GOLM1: variants seen among roughly 807,000 people sequenced by gnomAD.
The protein encoded by GOLM1 is golgi membrane protein 1, also known as epididymis luminal protein 46.
A neutral mutation model predicts 50.5 loss-of-function variants in GOLM1; 31 were observed. The ratio of observed to expected loss-of-function variants is 0.61; its 90% CI spans 0.46 to 0.83. The LOEUF is 0.83. Ranked by LOEUF, GOLM1 falls within the 40% of genes least tolerant of loss-of-function variation. The pLI is 0.00. For missense variants in GOLM1, 491 were observed against 501.3 expected (o/e 0.98, Z 0.20); for synonymous variants, 178 against 192.8 (o/e 0.92, Z 0.64).
At chr9:86,038,734 C>T (rs969329471) in intron 6 of GOLM1, among the ~76,000 whole-genome samples, 3 of 152,090 alleles carry the variant, frequency 2.0e-5, no homozygotes, top group Non-Finnish European at 4.4e-5. Flanking sequence ...ACTTGATAAC[C>T]GCACACACAC....
At chr9:86,096,175 AG>A (rs1241589645) in intron 1 of GOLM1, among the ~76,000 whole-genome samples, 2 of 120,948 alleles carry the variant, frequency 1.7e-5, no homozygotes, top group African/African-American at 2.8e-5. Context: ...ACTGCTCGAT[AG>A]GTTTTTTTTT....
At chr9:86,043,588 C>CT (rs544515130) in intron 5 of GOLM1, among the ~76,000 whole-genome samples, 16 of 152,132 alleles carry the variant, frequency 1.1e-4, no homozygotes, top group East Asian at 3.9e-4. Context: ...GAATAACTAG[C>CT]TTTTTTTTGC....
At chr9:86,090,798 A>C (rs1835156283) in intron 1 of GOLM1, among the ~76,000 whole-genome samples, 1 of 150,906 alleles carries the variant, frequency 6.6e-6, no homozygotes, top group African/African-American at 2.4e-5. Flanking sequence ...AAAAAAAAAA[A>C]AAAAAAAAAA....
intron 4 of GOLM1, among the ~76,000 whole-genome samples, chr9:86,050,327 C>CT (rs1833702324): frequency 6.6e-6 from 1 of 152,058 alleles, no homozygotes; most frequent in African/African-American, 2.4e-5. Flanking sequence ...CTAAAATTCT[C>CT]TTTTTTTGTT....
intron 4 of GOLM1, among the ~76,000 whole-genome samples, chr9:86,049,506 T>C (rs1202004699): frequency 6.6e-6 from 1 of 152,234 alleles, no homozygotes; most frequent in Non-Finnish European, 1.5e-5. Flanking sequence ...TCCATGAGCA[T>C]GGAATGTTCT....
chr9:86,077,692 C>A, intron 2 of GOLM1, 101 bp from the exon 3 acceptor site: 1 of 778,032 alleles, frequency 1.3e-6, no homozygotes, highest in South Asian at 1.6e-5. Flanking sequence ...CCAGGGCCAG[C>A]ACCAGTCTTA....
At chr9:86,046,833 C>T (rs1833561613) in intron 4 of GOLM1, among the ~76,000 whole-genome samples, 1 of 152,176 alleles carries the variant, frequency 6.6e-6, no homozygotes, top group East Asian at 1.9e-4. Context: ...CTTAAATCTC[C>T]TTTTTGGCCG....
At chr9:86,088,420 G>GTGTGTA (rs1157260470) in intron 1 of GOLM1, among the ~76,000 whole-genome samples, 1 of 86,306 alleles carries the variant, frequency 1.2e-5, no homozygotes, top group African/African-American at 5.8e-5. Context: ...TTTGAAGGGT[G>GTGTGTA]TATATATATA....
chr9:86,074,800 C>T (rs957751639), intron 3 of GOLM1, among the ~76,000 whole-genome samples: 7 of 152,194 alleles, frequency 4.6e-5, no homozygotes, highest in Admixed American at 3.9e-4. Flanking sequence ...TGCCTGTCAT[C>T]GTTCTCCTTC....
intron 5 of GOLM1, among the ~76,000 whole-genome samples, chr9:86,046,097 G>A (rs554654046): frequency 5.3e-5 from 8 of 152,272 alleles, no homozygotes; most frequent in East Asian, 1.9e-4. Flanking sequence ...CAATGTGATC[G>A]CCAGGCAATA....
intron 1 of GOLM1, among the ~76,000 whole-genome samples, chr9:86,082,232 T>C (rs1200119258): frequency 6.6e-6 from 1 of 151,324 alleles, no homozygotes; most frequent in East Asian, 2.0e-4. Context: ...GTTCCCCCAT[T>C]AGCCAGGATG....
Position 86,035,465 on chromosome 9 carries a change from C to T in GOLM1, c.918G>A (p.Leu306=), listed in dbSNP as rs758963482. The T allele has an allele frequency of 1.9e-6, 3 of 1,613,766 alleles. No homozygotes were observed. The African/African-American group carries it at 4.0e-5, about 22-fold the overall frequency. Residue 306 remains leucine, a synonymous_variant, in exon 8 of 10, where the codon CTG becomes CTA. Transcript: ENST00000388712. The stretch of plus-strand genomic sequence containing the variant: ...TCTCTGGATTTTCCTGGCTCACTGA[C>T]AGGGCAGCCTGCACCTGTGGGGTCT... The part of the protein sequence containing the change: ...LGQTPQVQAA[L]SVSQENPEME...
At chr9:86,040,438 A>AC (rs1409071203) in intron 6 of GOLM1, among the ~76,000 whole-genome samples, 2 of 152,034 alleles carry the variant, frequency 1.3e-5, no homozygotes, top group African/African-American at 4.8e-5. Flanking sequence ...ACAGAACTTA[A>AC]CCCCTCCCAT....
chr9:86,035,449 T>C lies in GOLM1; in HGVS notation c.934A>G (p.Asn312Asp), dbSNP rs554179942. 2 of 1,613,786 alleles carry C rather than the reference T, an allele frequency of 1.2e-6. No individual in the cohort carries two copies. The highest frequency in any genetic ancestry group is 1.1e-5 in the South Asian group (1 of 91,064). Residue 312 changes from asparagine (N) to aspartate (D), a missense_variant, in exon 8 of 10, where the codon AAT becomes GAT. Transcript: ENST00000388712. ...VQAALSVSQE[N>D]PEMEGPERDQ... ...CGCTCAGGGCCCTCCATCTCTGGAT[T>C]TTCCTGGCTCACTGACAGGGCAGCC...
chr9:86,027,023 T>C lies in GOLM1; in HGVS notation c.*794A>G. The C allele has an allele frequency of 1.0e-6, 1 of 985,378 alleles. No homozygotes were observed. Among genetic ancestry groups the C allele is most frequent in the Non-Finnish European group, 1.2e-6 (1 of 829,920 alleles). 61.0% of individuals were successfully genotyped at this position (985,378 alleles called of 1,614,324 possible). On this transcript the variant is annotated 3_prime_UTR_variant, in exon 10 of 10. Coordinates refer to ENST00000388712, the MANE Select transcript of GOLM1 (RefSeq NM_016548.4). ...GCTCTGCTCCAGGTCAGCCCCCTTT[T>C]GGCCTGTTTGTTTTGTCAAAAACCT...
intron 4 of GOLM1, among the ~76,000 whole-genome samples, chr9:86,048,105 T>C (rs911654541): frequency 2.1e-5 from 3 of 145,816 alleles, no homozygotes; most frequent in African/African-American, 7.6e-5. Context: ...TTTCCACCTA[T>C]GACTGAGAAC....
intron 4 of GOLM1, among the ~76,000 whole-genome samples, chr9:86,048,328 A>G (rs1256105801): frequency 1.9e-5 from 2 of 105,250 alleles, no homozygotes; most frequent in African/African-American, 9.8e-5. Context: ...GTGCCACAAT[A>G]AACATACGTG....
chr9:86,075,168 C>T (rs142092747), intron 3 of GOLM1, among the ~76,000 whole-genome samples: 3 of 152,308 alleles, frequency 2.0e-5, no homozygotes, highest in South Asian at 4.1e-4. Context: ...GAATCTGCCC[C>T]GTCTTGATCT....
chr9:86,099,627 G>A (rs1223772445), upstream of GOLM1: 1 of 149,404 alleles, frequency 6.7e-6, no homozygotes, highest in African/African-American at 2.4e-5. Context: ...GCGGCGCCGC[G>A]AGCGCGGAGA....
Sources: gnomAD v4.1 joint callset for allele counts (sites outside exome capture counted in the v4.1 genomes callset) on GRCh38, gnomAD v4.1.1 for gene constraint, MANE v1.5 for transcripts, NCBI Gene and HGNC (gene_info 2026-07-23, HGNC 2026-07-21) for gene names.